The following GPC6 variants were observed in gnomAD, a reference collection of about 807,000 sequenced individuals.
GPC6 encodes the protein glypican 6, also known as glypican-6.
A neutral mutation model predicts 55.2 loss-of-function variants in GPC6; 14 were observed. The ratio of observed to expected loss-of-function variants is 0.25; its 90% CI spans 0.17 to 0.40. The LOEUF (loss-of-function observed/expected upper bound fraction) is 0.40. Among genes scored for constraint, GPC6 ranks in the 10% least tolerant of loss-of-function variants. The probability of loss-of-function intolerance (pLI) is 1.00; values close to 1 mark genes in which losing one functional copy is unlikely to be tolerated. For synonymous variants in GPC6, 278 were observed against 259.6 expected (o/e 1.07, Z -0.68); for missense variants, 641 against 708.5 (o/e 0.90, Z 1.08).
intron 1 of GPC6, among the ~76,000 whole-genome samples, chr13:93,332,189 C>T (rs1220075161): frequency 6.6e-6 from 1 of 151,762 alleles, no homozygotes; most frequent in Admixed American, 6.6e-5. Flanking sequence ...ATTTCTTCAA[C>T]AGGTGGATTT....
At chr13:93,235,933 C>T (rs983422932) in intron 1 of GPC6, among the ~76,000 whole-genome samples, 1 of 152,158 alleles carries the variant, frequency 6.6e-6, no homozygotes. Context: ...GATCCTTGTT[C>T]CACCAGATCA....
chr13:93,319,784 A>G (rs1349028940), intron 1 of GPC6, among the ~76,000 whole-genome samples: 1 of 152,142 alleles, frequency 6.6e-6, no homozygotes, highest in African/African-American at 2.4e-5. Context: ...TCAGAACGCT[A>G]GGCATGAAGA....
At chr13:93,940,413 AATGGATGGATGGATGGATGGATGGATGG>A (rs141500976) in intron 3 of GPC6, among the ~76,000 whole-genome samples, 1 of 149,928 alleles carries the variant, frequency 6.7e-6, no homozygotes, top group Non-Finnish European at 1.5e-5. Flanking sequence ...TGGATGGATG[AATGGATGGATGGATGGATGGATGGATGG>A]ATGGATGAAT....
intron 4 of GPC6, among the ~76,000 whole-genome samples, chr13:94,031,832 T>A (rs1049356722): frequency 6.6e-6 from 1 of 152,202 alleles, no homozygotes; most frequent in African/African-American, 2.4e-5. Context: ...CAAGAGGCCA[T>A]GTTGCAGATT....
chr13:94,256,095 A>G (rs960210122), intron 4 of GPC6, among the ~76,000 whole-genome samples: 3 of 152,220 alleles, frequency 2.0e-5, no homozygotes, highest in Non-Finnish European at 4.4e-5. Context: ...AGAGACGTGT[A>G]GACTTCACAT....
At chr13:93,247,021 C>A in intron 1 of GPC6, among the ~76,000 whole-genome samples, 1 of 149,818 alleles carries the variant, frequency 6.7e-6, no homozygotes. Flanking sequence ...TTTTTTACAG[C>A]CAAATATTTA....
intron 3 of GPC6, among the ~76,000 whole-genome samples, chr13:93,931,904 T>TA (rs1878199052): frequency 6.6e-6 from 1 of 152,134 alleles, no homozygotes; most frequent in Non-Finnish European, 1.5e-5. Context: ...CCATCTGACT[T>TA]AAAGTAGTTG....
At chr13:93,221,502 A>G in the GPC6 span, among the ~76,000 whole-genome samples, 5 of 152,192 alleles carry the variant, frequency 3.3e-5, no homozygotes, top group Admixed American at 6.5e-5. Flanking sequence ...TCCCCCCAAG[A>G]GATCATTAGT....
intron 4 of GPC6, among the ~76,000 whole-genome samples, chr13:94,132,376 C>T (rs955251001): frequency 5.3e-5 from 8 of 152,122 alleles, no homozygotes; most frequent in South Asian, 2.1e-4. Context: ...CAGATTTTGC[C>T]TCTCCATTTT....
intron 1 of GPC6, among the ~76,000 whole-genome samples, chr13:93,270,927 A>T (rs1877500609): frequency 6.6e-6 from 1 of 152,186 alleles, no homozygotes; most frequent in South Asian, 2.1e-4. Flanking sequence ...TTTAGATCTT[A>T]GGTTGAAAGG....
chr13:93,309,173 T>G (rs1376066420), intron 1 of GPC6, among the ~76,000 whole-genome samples: 1 of 152,200 alleles, frequency 6.6e-6, no homozygotes, highest in East Asian at 1.9e-4. Flanking sequence ...ATAATTCTTG[T>G]TTACAATGTA....
chr13:94,079,298 A>G (rs1413732487), intron 4 of GPC6, among the ~76,000 whole-genome samples: 1 of 152,116 alleles, frequency 6.6e-6, no homozygotes, highest in African/African-American at 2.4e-5. Flanking sequence ...CTATAAGGCT[A>G]CATTAGATAG....
intron 2 of GPC6, among the ~76,000 whole-genome samples, chr13:93,818,998 G>C (rs1015583257): frequency 2.0e-5 from 3 of 152,048 alleles, no homozygotes; most frequent in African/African-American, 7.3e-5. Context: ...CAGTATACAA[G>C]ATATACAAGT....
intron 1 of GPC6, among the ~76,000 whole-genome samples, chr13:93,276,417 G>C (rs1877737649): frequency 1.3e-5 from 2 of 150,996 alleles, no homozygotes; most frequent in Non-Finnish European, 2.9e-5. Flanking sequence ...AGTTTAGTCA[G>C]GAGCACACAA....
chr13:93,225,510 T>TG (rs1215268704), upstream of GPC6, among the ~76,000 whole-genome samples: 438 of 1,998 alleles, frequency 0.22, 3 homozygotes, highest in Middle Eastern at 0.5. Context: ...TTTGTTTTGT[T>TG]TTTTTTTTTT....
Position 94,164,647 on chromosome 13 carries a change from C to G in GPC6, c.878-121702C>G, listed in dbSNP as rs117801017. On this transcript the variant is annotated intron_variant, in intron 4 of 8. Coordinates refer to ENST00000377047, the MANE Select transcript of GPC6 (RefSeq NM_005708.5). ...ACAGTCCTTATACTGAGATCTTCCT[C>G]TTCCTGGGATAATAATTGGGATGAT... is the stretch of plus-strand genomic sequence containing the variant. 6.9e-3 allele frequency among the ~76,000 whole-genome samples: 1,046 copies of G among 152,272 alleles called. 8 individuals carry two copies. The highest frequency in any genetic ancestry group is 0.01 in the African/African-American group (420 of 41,558).
chr13:94,228,703 T>G (rs930695724), intron 4 of GPC6, among the ~76,000 whole-genome samples: 15 of 151,714 alleles, frequency 9.9e-5, no homozygotes, highest in African/African-American at 3.1e-4. Context: ...AAGAATATTC[T>G]CCACTCCTGG....
intron 2 of GPC6, among the ~76,000 whole-genome samples, chr13:93,788,460 T>C (rs1885883161): frequency 6.6e-6 from 1 of 151,600 alleles, no homozygotes; most frequent in Non-Finnish European, 1.5e-5. Context: ...ATACCACAAG[T>C]GGCATTTGGA....
At chr13:93,417,520 G>A (rs1286758033) in intron 1 of GPC6, among the ~76,000 whole-genome samples, 3 of 152,152 alleles carry the variant, frequency 2.0e-5, no homozygotes, top group Middle Eastern at 3.4e-3. Context: ...GTGAGTTACT[G>A]TTCCAGTCTG....
Sources: gnomAD v4.1 joint callset for allele counts (sites outside exome capture counted in the v4.1 genomes callset) on GRCh38, gnomAD v4.1.1 for gene constraint, MANE v1.5 for transcripts, NCBI Gene and HGNC (gene_info 2026-07-23, HGNC 2026-07-21) for gene names.